Variants in USP34 observed in about 807,000 individuals in gnomAD.
The protein encoded by USP34 is ubiquitin specific peptidase 34.
A neutral mutation model predicts 460.3 loss-of-function variants in USP34; 70 were observed. The observed-to-expected ratio is 0.15, with a 90% CI of 0.13 to 0.19. The LOEUF (loss-of-function observed/expected upper bound fraction) is 0.19. Ranked by LOEUF, USP34 falls within the 10% of genes least tolerant of loss-of-function variation. The pLI, the probability that USP34 is intolerant of heterozygous loss-of-function variation, is 1.00. For synonymous variants in USP34, 1,647 were observed against 1,405.3 expected, an observed-to-expected ratio of 1.17 and a Z score of -3.85; for missense variants, 3,985 against 4,236.2, an observed-to-expected ratio of 0.94 and a Z score of 1.65.
At chr2:61,277,679 C>T (rs180822833) in intron 41 of USP34, 3 of 152,474 alleles carry the variant, frequency 2.0e-5, no homozygotes, top group African/African-American at 4.8e-5. Flanking sequence ...ATTTTTATGT[C>T]TGTATGTTTA....
chr2:61,402,332 G>C (rs1299794331), intron 3 of USP34, among the ~76,000 whole-genome samples: 2 of 152,020 alleles, frequency 1.3e-5, no homozygotes, highest in Admixed American at 1.3e-4. Context: ...TCCTGAATTA[G>C]TACTACTTAT....
At chr2:61,405,054 C>T (rs1050012722) in intron 3 of USP34, among the ~76,000 whole-genome samples, 2 of 151,342 alleles carry the variant, frequency 1.3e-5, no homozygotes, top group East Asian at 1.9e-4. Flanking sequence ...GGTGAAACCC[C>T]GTCTCTACTA....
intron 75 of USP34, chr2:61,200,553 AAG>A (rs1483142969): frequency 1.3e-5 from 2 of 152,296 alleles, no homozygotes; most frequent in Admixed American, 6.5e-5. Context: ...AATTACCACA[AAG>A]ACTTTTCCTC....
intron 48 of USP34, among the ~76,000 whole-genome samples, chr2:61,251,068 G>A (rs1247125910): frequency 6.6e-6 from 1 of 152,202 alleles, no homozygotes; most frequent in African/African-American, 2.4e-5. Context: ...GACCCGGGAG[G>A]CGGAGCTGGC....
chr2:61,386,054 C>G, intron 5 of USP34, among the ~76,000 whole-genome samples: 1 of 150,698 alleles, frequency 6.6e-6, no homozygotes, highest in Non-Finnish European at 1.5e-5. Flanking sequence ...TCCCAGAGAG[C>G]AAGACTTCTT....
At chr2:61,417,060 C>T (rs532685124) in intron 2 of USP34, 2 of 1,352,948 alleles carry the variant, frequency 1.5e-6, no homozygotes, top group South Asian at 2.3e-5. Flanking sequence ...GGAACTTGAA[C>T]TTGGCCCTGA....
chr2:61,224,511 C>T (rs1687674221), intron 62 of USP34, among the ~76,000 whole-genome samples: 1 of 152,114 alleles, frequency 6.6e-6, no homozygotes, highest in Admixed American at 6.6e-5. Flanking sequence ...TCTGGGATTC[C>T]AAAACAGTGA....
chr2:61,242,634 A>T (rs1224719987), intron 51 of USP34, among the ~76,000 whole-genome samples: 1 of 152,176 alleles, frequency 6.6e-6, no homozygotes, highest in African/African-American at 2.4e-5. Flanking sequence ...AAGTGAACAT[A>T]TGGCATATTA....
intron 75 of USP34, among the ~76,000 whole-genome samples, chr2:61,194,511 GAGAC>G (rs1368618111): frequency 1.3e-5 from 2 of 152,170 alleles, no homozygotes; most frequent in Admixed American, 6.5e-5. Context: ...CTTTTTCTTT[GAGAC>G]AGACAGTGTC....
At chr2:61,399,487 A>G (rs1011061590) in intron 3 of USP34, among the ~76,000 whole-genome samples, 1 of 152,086 alleles carries the variant, frequency 6.6e-6, no homozygotes, top group Non-Finnish European at 1.5e-5. Context: ...AAATGTTATA[A>G]TCTCATTTTT....
chr2:61,412,589 T>C (rs112120358), intron 2 of USP34, among the ~76,000 whole-genome samples: 1 of 151,660 alleles, frequency 6.6e-6, no homozygotes, highest in Non-Finnish European at 1.5e-5. Context: ...GAAAAAAATA[T>C]TAATAATGGA....
At chr2:61,295,398 T>C in intron 30 of USP34, 108 bp from the exon 31 acceptor site, 2 of 1,195,230 alleles carry the variant, frequency 1.7e-6, no homozygotes, top group Non-Finnish European at 2.2e-6. Context: ...TTATATATAC[T>C]TTGAAACATA....
At chr2:61,203,044 G>GA in intron 75 of USP34, 96 bp downstream of exon 75, 2 of 1,287,272 alleles carry the variant, frequency 1.6e-6, no homozygotes, top group Non-Finnish European at 2.0e-6. Flanking sequence ...TTTAAAAAAA[G>GA]AAAAAAAGGA....
At chr2:61,236,534 C>T in intron 53 of USP34, 145 bp from the exon 54 acceptor site, 1 of 610,710 alleles carries the variant, frequency 1.6e-6, no homozygotes. Context: ...GATTTTTTCC[C>T]AAGTATATTC....
intron 41 of USP34, among the ~76,000 whole-genome samples, chr2:61,267,384 CAT>C (rs1490771315): frequency 6.6e-6 from 1 of 151,564 alleles, no homozygotes; most frequent in Non-Finnish European, 1.5e-5. Flanking sequence ...ATGTGTAATT[CAT>C]AGTTCTTAGC....
chr2:61,251,610 T>C (rs182089204), intron 48 of USP34, among the ~76,000 whole-genome samples: 1 of 152,212 alleles, frequency 6.6e-6, no homozygotes, highest in East Asian at 1.9e-4. Context: ...GCTCAGTATC[T>C]TTTTACTCTT....
chr2:61,221,841 G>T, intron 65 of USP34: 1 of 358,104 alleles, frequency 2.8e-6, no homozygotes, highest in Non-Finnish European at 5.0e-6. Flanking sequence ...AGAGTATTTT[G>T]GAAAAGATAA....
At chr2:61,343,230 A>AT (rs1401033415) in intron 16 of USP34, among the ~76,000 whole-genome samples, 1 of 151,870 alleles carries the variant, frequency 6.6e-6, no homozygotes, top group Non-Finnish European at 1.5e-5. Context: ...TCACTTTCTT[A>AT]TTTTTTCTTG....
At chr2:61,334,029 G>T in intron 18 of USP34, 58 bp from the exon 19 acceptor site, 1 of 1,309,810 alleles carries the variant, frequency 7.6e-7, no homozygotes, top group Non-Finnish European at 1.0e-6. Flanking sequence ...TAGAAATTCA[G>T]CCATTTAAAA....
Sources: gnomAD v4.1 joint callset for allele counts (sites outside exome capture counted in the v4.1 genomes callset) on GRCh38, gnomAD v4.1.1 for gene constraint, MANE v1.5 for transcripts, NCBI Gene and HGNC (gene_info 2026-07-23, HGNC 2026-07-21) for gene names.